GRPEL1: variants seen among roughly 807,000 people sequenced by gnomAD.
The protein encoded by GRPEL1 is grpE protein homolog 1, mitochondrial.
GRPEL1 carries 13 observed loss-of-function variants against 22.1 expected under a neutral mutation model. The observed-to-expected ratio is 0.59, with a 90% CI of 0.38 to 0.94. GRPEL1 has a LOEUF of 0.94. Ranked by LOEUF, GRPEL1 falls within the 40% of genes least tolerant of loss-of-function variation. The pLI is 0.00. For synonymous variants in GRPEL1, 109 were observed against 105.3 expected, an observed-to-expected ratio of 1.03 and a Z score of -0.21; for missense variants, 289 against 264.6, an observed-to-expected ratio of 1.09 and a Z score of -0.64.
intron 1 of GRPEL1, among the ~76,000 whole-genome samples, chr4:7,064,862 A>G (rs1279183546): frequency 6.6e-6 from 1 of 152,088 alleles, no homozygotes; most frequent in Non-Finnish European, 1.5e-5. Flanking sequence ...TGGCACAATC[A>G]TAACTCACTG....
intron 1 of GRPEL1, 139 bp from the exon 2 acceptor site, chr4:7,064,362 A>G (rs2108792332): frequency 2.6e-6 from 2 of 774,118 alleles, no homozygotes; most frequent in East Asian, 5.5e-5. Flanking sequence ...TAGATCTAAT[A>G]AAGGCACACT....
intron 2 of GRPEL1, among the ~76,000 whole-genome samples, chr4:7,062,723 A>T (rs996645385): frequency 2.6e-5 from 4 of 152,016 alleles, no homozygotes; most frequent in Non-Finnish European, 5.9e-5. Flanking sequence ...CGTGTTAGCC[A>T]GGATGGTCTC....
chr4:7,060,891 C>T lies in GRPEL1; in HGVS notation c.625G>A (p.Ala209Thr), dbSNP rs771494725. The T allele has an allele frequency of 1.1e-5, 17 of 1,613,454 alleles. No individual in the cohort carries two copies. The highest frequency in any genetic ancestry group is 6.7e-5 in the African/African-American group (5 of 74,930). The change falls in exon 4 of 4, where the codon GCC becomes ACC. Residue 209 changes from alanine (A) to threonine (T), a missense_variant. Physicochemically the swap from Ala to Thr is moderately conservative, Grantham distance 58. Transcript: ENST00000264954. ...GCTTCCTTCACCACCCCCACCAGGG[C>T]GGGTCTCAGAGTGCGCCCATGCAGC... Reference protein sequence around the residue: ...YKLHGRTLRPALVGVVKEA With the variant: ...YKLHGRTLRPTLVGVVKEA
At chr4:7,067,100 TC>T in intron 1 of GRPEL1, among the ~76,000 whole-genome samples, 2 of 152,362 alleles carry the variant, frequency 1.3e-5, no homozygotes, top group African/African-American at 4.8e-5. Flanking sequence ...CTGCTCTCCT[TC>T]AGGAAAGAAC....
At chr4:7,066,825 C>T (rs1026972359) in intron 1 of GRPEL1, among the ~76,000 whole-genome samples, 5 of 152,212 alleles carry the variant, frequency 3.3e-5, no homozygotes, top group Admixed American at 3.3e-4. Flanking sequence ...AGAGCTATGA[C>T]TACCAGTCAG....
intron 1 of GRPEL1, chr4:7,067,649 C>A: frequency 7.3e-6 from 3 of 409,536 alleles, no homozygotes; most frequent in South Asian, 8.0e-5. Context: ...ACCGTGAATG[C>A]GCGCGAGGCG....
Position 7,064,193 on chromosome 4 carries a change from C to G in GRPEL1, c.93G>C (p.Thr31=), listed in dbSNP as rs772346740. ...GGTTCTGGCCACTGTTCTTTTGTTTCGTGGCTGTGCACAACAACCGGGGAG... is the reference window on the plus strand; with the variant it reads ...GGTTCTGGCCACTGTTCTTTTGTTTGGTGGCTGTGCACAACAACCGGGGAG... ...RPSPRLLCTA[T]KQKNSGQNLE... is the part of the protein sequence containing the mutation. The change falls in exon 2 of 4, where the codon ACG becomes ACC. Residue 31 remains threonine, a synonymous_variant. Transcript: ENST00000264954. 6.2e-7 allele frequency: 1 copy of G among 1,614,016 alleles called. No individual in the cohort carries two copies.
chr4:7,062,489 T>TA lies in GRPEL1; in HGVS notation c.226-24_226-23insT, dbSNP rs58245481. 4.7e-6 allele frequency: 3 copies of TA among 637,294 alleles called. No homozygotes were observed. In the African/African-American group the frequency reaches 9.5e-5, roughly 20 times the overall value. 39.5% of individuals were successfully genotyped at this position (637,294 alleles called of 1,614,324 possible). ...TTCCTAAAAGAGAAAAAAAGGGATA[T>TA]TTATATATATATATATATATATATA... On this transcript the variant is annotated intron_variant, in intron 2 of 3. Transcript: ENST00000264954.
intron 1 of GRPEL1, among the ~76,000 whole-genome samples, chr4:7,066,770 C>T (rs1724178833): frequency 6.6e-6 from 1 of 152,196 alleles, no homozygotes; most frequent in Non-Finnish European, 1.5e-5. Context: ...GGGGCCATCT[C>T]GTTCTGCAGA....
chr4:7,060,657 A>T lies in GRPEL1; in HGVS notation c.*205T>A, dbSNP rs1222368397. 4 of 595,174 alleles carry T rather than the reference A, an allele frequency of 6.7e-6. No homozygotes were observed. The African/African-American group carries it at 7.4e-5, about 11-fold the overall frequency. 36.9% of individuals were successfully genotyped at this position (595,174 alleles called of 1,614,324 possible). ...TTCTGAAAGTATGTGGAACTATTCA[A>T]CGCGTGGCACTAAAAGGGAACAGAC... On this transcript the variant is annotated 3_prime_UTR_variant, in exon 4 of 4. Transcript: ENST00000264954.
chr4:7,065,749 C>T (rs189665099), intron 1 of GRPEL1, among the ~76,000 whole-genome samples: 6 of 151,878 alleles, frequency 4.0e-5, no homozygotes, highest in Non-Finnish European at 5.9e-5. Context: ...GGATATGTAC[C>T]GGTGAAATAG....
chr4:7,061,178 T>G lies in GRPEL1; in HGVS notation c.338A>C (p.Glu113Ala). The G allele has an allele frequency of 6.2e-7, 1 of 1,612,566 alleles. No individual in the cohort carries two copies. Among genetic ancestry groups the G allele is most frequent in the East Asian group, 2.2e-5 (1 of 44,874 alleles). Reference sequence around the variant, plus strand: ...TGCCTTCTCCAGAACGTCTGCCACCTCCAACAAGTCCTTGCAGAAGGCTTG... The same window carrying G: ...TGCCTTCTCCAGAACGTCTGCCACCGCCAACAAGTCCTTGCAGAAGGCTTG... ...GIQAFCKDLL[E>A]VADVLEKATQ... is the part of the protein sequence containing the mutation. Residue 113 changes from glutamate to alanine, a missense_variant, in exon 4 of 4, where the codon GAG becomes GCG. Transcript: ENST00000264954.
chr4:7,066,542 G>A (rs1342641692), intron 1 of GRPEL1, among the ~76,000 whole-genome samples: 1 of 152,208 alleles, frequency 6.6e-6, no homozygotes, highest in Non-Finnish European at 1.5e-5. Flanking sequence ...GGGGTGGAGA[G>A]CGATGACCAT....
intron 2 of GRPEL1, among the ~76,000 whole-genome samples, chr4:7,063,514 C>T (rs1297050305): frequency 2.6e-5 from 4 of 152,226 alleles, no homozygotes; most frequent in African/African-American, 7.2e-5. Flanking sequence ...GGTTCTAGTT[C>T]GAGCCCTGGC....
At position 7,061,342 on chromosome 4, in the gene GRPEL1, C is replaced by A. The variant is rs948370912; in HGVS notation, c.308-134G>T. On this transcript the variant is annotated intron_variant, in intron 3 of 3. Transcript: ENST00000264954. The stretch of plus-strand genomic sequence containing the variant: ...CAATCGCCTCAGAATTCCAATGGCT[C>A]AATAACTTTAAAAAACAACACAAAA... 4.5e-6 allele frequency: 3 copies of A among 668,014 alleles called. No homozygotes were observed. In the African/African-American group the frequency reaches 5.4e-5, roughly 12 times the overall value. 41.4% of individuals were successfully genotyped at this position (668,014 alleles called of 1,614,324 possible). A position where few individuals can be genotyped will look rare whatever the true frequency, so the allele number is the denominator to read the frequency against.
In GRPEL1 at chr4:7,068,012, C is replaced by T. The variant is rs770370629; in HGVS notation, c.21G>A (p.Arg7=). ...AAGCAGGAAGACTGCGCCGCGCCAA[C>T]CTCACGCACTGAGCCGCCATGACTG... MAAQCV[R]LARRSLPALA... is the part of the protein sequence containing the mutation. Residue 7 remains arginine (R), a synonymous_variant, in exon 1 of 4, where the codon AGG becomes AGA. Transcript: ENST00000264954. 1.1e-5 allele frequency: 17 copies of T among 1,613,040 alleles called. No individual in the cohort carries two copies. Among genetic ancestry groups the T allele is most frequent in the African/African-American group, 1.3e-5 (1 of 75,072 alleles).
intron 1 of GRPEL1, among the ~76,000 whole-genome samples, chr4:7,065,923 G>A (rs181549023): frequency 6.7e-6 from 1 of 148,734 alleles, no homozygotes; most frequent in Non-Finnish European, 1.5e-5. Flanking sequence ...GTGCCATCTC[G>A]GCTCACTGCA....
At chr4:7,064,970 A>G (rs1724132132) in intron 1 of GRPEL1, among the ~76,000 whole-genome samples, 1 of 152,138 alleles carries the variant, frequency 6.6e-6, no homozygotes, top group South Asian at 2.1e-4. Context: ...TTTTTATAAG[A>G]TCTTCTGTAA....
chr4:7,063,928 G>C, intron 2 of GRPEL1, 133 bp downstream of exon 2: 1 of 976,228 alleles, frequency 1.0e-6, no homozygotes, highest in Non-Finnish European at 1.4e-6. Context: ...TGCCACCTGG[G>C]CCCACTGCAG....
Sources: allele counts gnomAD v4.1 joint callset (sites outside exome capture counted in the v4.1 genomes callset), GRCh38; gene constraint gnomAD v4.1.1; transcripts MANE v1.5; gene names NCBI Gene and HGNC (gene_info 2026-07-23, HGNC 2026-07-21).